Variants in SRRM4 observed in about 807,000 individuals in gnomAD.
The protein encoded by SRRM4 is serine/arginine repetitive matrix 4, also known as serine/arginine repetitive matrix protein 4.
SRRM4 carries 33 observed loss-of-function variants against 68.9 expected under a neutral mutation model. The observed-to-expected ratio is 0.48, with a 90% CI of 0.36 to 0.64. The LOEUF is 0.64. Among genes scored for constraint, SRRM4 ranks in the 30% least tolerant of loss-of-function variants. The probability of loss-of-function intolerance (pLI) is 0.00; values close to 1 mark genes in which losing one functional copy is unlikely to be tolerated. For missense variants in SRRM4, 817 were observed against 827.1 expected (o/e 0.99, Z 0.15); for synonymous variants, 318 against 318.8 (o/e 1.00, Z 0.03).
At chr12:119,003,880 T>C (rs149252019) in intron 1 of SRRM4, among the ~76,000 whole-genome samples, 1 of 152,088 alleles carries the variant, frequency 6.6e-6, no homozygotes, top group Non-Finnish European at 1.5e-5. Flanking sequence ...CTATAGACGA[T>C]ATTACTAAAT....
intron 6 of SRRM4, among the ~76,000 whole-genome samples, chr12:119,124,722 C>G (rs1954246031): frequency 6.6e-6 from 1 of 151,984 alleles, no homozygotes; most frequent in Admixed American, 6.5e-5. Context: ...GTTTTTGACT[C>G]CATGCTAAGA....
At chr12:119,107,705 C>T (rs1954115890) in intron 2 of SRRM4, among the ~76,000 whole-genome samples, 2 of 152,052 alleles carry the variant, frequency 1.3e-5, no homozygotes, top group Admixed American at 6.6e-5. Flanking sequence ...TGATTCTTCT[C>T]TCTTTTCTTC....
rs1286342982 is a variant in SRRM4, at chr12:119,145,487, C to T, written c.878C>T (p.Ser293Leu). ...QEYDSGNDTS[S>L]PPSTQTSSAR... The stretch of plus-strand genomic sequence containing the variant: ...TACGACTCAGGAAATGACACGTCCT[C>T]GCCACCCTCCACGCAAACCAGCTCA... Residue 293 changes from serine to leucine, a missense_variant, in exon 9 of 13, where the codon TCG becomes TTG. Physicochemically the swap from Ser to Leu is moderately radical, Grantham distance 145. Coordinates refer to ENST00000267260, the MANE Select transcript of SRRM4 (RefSeq NM_194286.4). 6.2e-7 allele frequency: 1 copy of T among 1,610,576 alleles called. No homozygotes were observed. Among genetic ancestry groups the T allele is most frequent in the Non-Finnish European group, 8.5e-7 (1 of 1,178,472 alleles).
chr12:119,141,769 CCAGT>C (rs1156590936), intron 8 of SRRM4, among the ~76,000 whole-genome samples: 2 of 152,300 alleles, frequency 1.3e-5, no homozygotes, highest in South Asian at 2.1e-4. Context: ...AGCTCCAAAC[CCAGT>C]CAGAGAGACG....
chr12:119,006,812 C>G (rs1953419026), intron 1 of SRRM4, among the ~76,000 whole-genome samples: 1 of 152,256 alleles, frequency 6.6e-6, no homozygotes, highest in Admixed American at 6.5e-5. Flanking sequence ...CTTCTATTGC[C>G]TGAAATGCCA....
Position 119,047,030 on chromosome 12 carries a change from T to TAA in SRRM4, c.132-55188_132-55187dup, listed in dbSNP as rs11415940. 5.7e-3 allele frequency among the ~76,000 whole-genome samples: 695 copies of TAA among 122,172 alleles called. 6 individuals are homozygous for TAA. Among genetic ancestry groups the TAA allele is most frequent in the East Asian group, 0.011 (46 of 4,072 alleles). 80.1% of individuals were successfully genotyped at this position (122,172 alleles called of 152,430 possible). On this transcript the variant is annotated intron_variant, in intron 1 of 12. Transcript: ENST00000267260. ...CTGGGTGACAGAGTGAGATCCCGTC[T>TAA]AAAAAAAAAAAAAAAAAAAGTGTGG...
chr12:119,088,024 CAAT>C (rs2136035205), intron 1 of SRRM4, among the ~76,000 whole-genome samples: 1 of 152,274 alleles, frequency 6.6e-6, no homozygotes, highest in African/African-American at 2.4e-5. Context: ...ACTAGGTCCT[CAAT>C]AAATGTGAGG....
intron 2 of SRRM4, among the ~76,000 whole-genome samples, chr12:119,111,482 C>T (rs1954143223): frequency 6.6e-6 from 1 of 152,148 alleles, no homozygotes; most frequent in Admixed American, 6.5e-5. Context: ...CTCCTGGGAC[C>T]CTGGGATTCC....
At chr12:119,073,355 C>T (rs141926089) in intron 1 of SRRM4, among the ~76,000 whole-genome samples, 1 of 145,848 alleles carries the variant, frequency 6.9e-6, no homozygotes, top group Non-Finnish European at 1.5e-5. Flanking sequence ...AGGAGTCTCA[C>T]TCTGTTGCCC....
intron 1 of SRRM4, among the ~76,000 whole-genome samples, chr12:118,986,614 T>A (rs1000608194): frequency 2.6e-5 from 4 of 152,114 alleles, no homozygotes; most frequent in African/African-American, 4.8e-5. Context: ...ACACTGCAAA[T>A]AGACTTGACT....
chr12:119,026,286 T>C (rs1950239201), intron 1 of SRRM4, among the ~76,000 whole-genome samples: 1 of 151,946 alleles, frequency 6.6e-6, no homozygotes, highest in South Asian at 2.1e-4. Flanking sequence ...AGGAAAGAGA[T>C]AATATTGACC....
chr12:119,050,940 G>T (rs1448997758), intron 1 of SRRM4, among the ~76,000 whole-genome samples: 2 of 152,072 alleles, frequency 1.3e-5, no homozygotes, highest in South Asian at 4.2e-4. Context: ...AGCCACCTGT[G>T]GCTCCCATAT....
intron 1 of SRRM4, among the ~76,000 whole-genome samples, chr12:118,982,538 G>A (rs1478929191): frequency 6.6e-6 from 1 of 152,080 alleles, no homozygotes; most frequent in Admixed American, 6.5e-5. Flanking sequence ...CCTCCTCCAC[G>A]CCTTTCTGGC....
intron 2 of SRRM4, among the ~76,000 whole-genome samples, chr12:119,105,353 T>C (rs1290547436): frequency 1.3e-5 from 2 of 152,208 alleles, no homozygotes; most frequent in African/African-American, 4.8e-5. Context: ...GATGGCTGCG[T>C]CAAATGATAT....
intron 1 of SRRM4, among the ~76,000 whole-genome samples, chr12:119,095,153 G>A (rs1009820028): frequency 2.6e-5 from 4 of 152,260 alleles, no homozygotes; most frequent in Middle Eastern, 6.8e-3. Context: ...CCTTGAAAAC[G>A]AGTCGGAATG....
At chr12:119,031,566 A>T (rs79067879) in intron 1 of SRRM4, among the ~76,000 whole-genome samples, 5,641 of 152,188 alleles carry the variant, frequency 0.037, 180 homozygotes, top group East Asian at 0.13. Context: ...AATGATGTGA[A>T]CATTTTTAGG....
chr12:119,068,642 C>T (rs989623170), intron 1 of SRRM4, among the ~76,000 whole-genome samples: 10 of 152,068 alleles, frequency 6.6e-5, no homozygotes, highest in Admixed American at 3.3e-4. Context: ...CCCCTGGGCA[C>T]GGGAATCCAC....
At chr12:119,108,418 T>A (rs183791486) in intron 2 of SRRM4, among the ~76,000 whole-genome samples, 1 of 152,312 alleles carries the variant, frequency 6.6e-6, no homozygotes, top group East Asian at 1.9e-4. Context: ...AGTGGGGTGT[T>A]AAAGTCTCCC....
chr12:119,128,593 C>T (rs1393618960), intron 7 of SRRM4, among the ~76,000 whole-genome samples: 1 of 152,180 alleles, frequency 6.6e-6, no homozygotes, highest in Non-Finnish European at 1.5e-5. Flanking sequence ...GGACATTGGC[C>T]AAATGAGCTA....
Sources: gnomAD v4.1 joint callset for allele counts (sites outside exome capture counted in the v4.1 genomes callset) on GRCh38, gnomAD v4.1.1 for gene constraint, MANE v1.5 for transcripts, NCBI Gene and HGNC (gene_info 2026-07-23, HGNC 2026-07-21) for gene names.